Variants in METTL15 observed in about 807,000 individuals in gnomAD.
The protein encoded by METTL15 is 12S rRNA N(4)-cytidine methyltransferase METTL15.
A neutral mutation model predicts 38.3 loss-of-function variants in METTL15; 34 were observed. The observed-to-expected ratio is 0.89, with a 90% CI of 0.68 to 1.18. The LOEUF (loss-of-function observed/expected upper bound fraction) is 1.18. Among genes scored for constraint, METTL15 ranks in the 50% most tolerant of loss-of-function variants. The pLI is 0.00. For missense variants in METTL15, 438 were observed against 498.4 expected (o/e 0.88, Z 1.15); for synonymous variants, 162 against 170.9 (o/e 0.95, Z 0.41).
At chr11:28,142,383 A>G (rs1342360622) in intron 3 of METTL15, among the ~76,000 whole-genome samples, 1 of 152,194 alleles carries the variant, frequency 6.6e-6, no homozygotes, top group East Asian at 1.9e-4. Flanking sequence ...ACTTAAGTTT[A>G]CTTATTTTTG....
At chr11:28,420,994 C>A (rs1207790049) in intron 5 of METTL15, among the ~76,000 whole-genome samples, 2 of 151,206 alleles carry the variant, frequency 1.3e-5, no homozygotes, top group East Asian at 1.9e-4. Context: ...GAGAGAAGAC[C>A]CCAAAAAAGT....
intron 6 of METTL15, among the ~76,000 whole-genome samples, chr11:28,434,247 C>T (rs4543974): frequency 0.53 from 79,970 of 152,012 alleles, 21,476 homozygotes; most frequent in East Asian, 0.74. Flanking sequence ...TGAAGAAGGA[C>T]GTGTTTACTT....
chr11:28,190,123 T>C (rs1851647260), intron 3 of METTL15, among the ~76,000 whole-genome samples: 2 of 151,264 alleles, frequency 1.3e-5, no homozygotes, highest in Non-Finnish European at 3.0e-5. Context: ...TTATTAGTAA[T>C]GGTTTTAAGA....
intron 5 of METTL15, among the ~76,000 whole-genome samples, chr11:28,378,525 G>T (rs1407361038): frequency 1.3e-5 from 2 of 152,200 alleles, no homozygotes; most frequent in East Asian, 1.9e-4. Flanking sequence ...CGTGCACGGT[G>T]CGTGCACCCA....
intron 3 of METTL15, among the ~76,000 whole-genome samples, chr11:28,189,053 A>G (rs570470355): frequency 6.6e-6 from 1 of 151,258 alleles, no homozygotes; most frequent in Non-Finnish European, 1.5e-5. Flanking sequence ...CATTTTCTAG[A>G]ACACATTTGA....
At chr11:28,173,027 G>C (rs1406170035) in intron 3 of METTL15, among the ~76,000 whole-genome samples, 1 of 152,038 alleles carries the variant, frequency 6.6e-6, no homozygotes, top group Admixed American at 6.6e-5. Flanking sequence ...TTATAAAGAG[G>C]TTTGATAGTA....
chr11:28,301,939 CCTT>C (rs1015098913), intron 6 of METTL15, among the ~76,000 whole-genome samples: 1 of 151,956 alleles, frequency 6.6e-6, no homozygotes, highest in Admixed American at 6.6e-5. Context: ...GACAGGGTCT[CCTT>C]CTGTCACCCA....
At chr11:28,478,032 C>T (rs1323777649) in intron 6 of METTL15, among the ~76,000 whole-genome samples, 1 of 152,120 alleles carries the variant, frequency 6.6e-6, no homozygotes, top group Non-Finnish European at 1.5e-5. Context: ...ATTGTTTTAT[C>T]CTTTATCTAT....
intron 3 of METTL15, among the ~76,000 whole-genome samples, chr11:28,117,289 A>G (rs1408688632): frequency 8.7e-5 from 11 of 126,948 alleles, no homozygotes; most frequent in Admixed American, 4.0e-4. Context: ...ATATATATAT[A>G]TATATATATA....
intron 3 of METTL15, among the ~76,000 whole-genome samples, chr11:28,182,785 C>T (rs1851341359): frequency 6.6e-6 from 1 of 152,016 alleles, no homozygotes; most frequent in Non-Finnish European, 1.5e-5. Flanking sequence ...TTTTCCAATT[C>T]CGTGAAGAAA....
chr11:28,392,527 T>C (rs1292860134), intron 5 of METTL15, among the ~76,000 whole-genome samples: 1 of 152,082 alleles, frequency 6.6e-6, no homozygotes, highest in Non-Finnish European at 1.5e-5. Flanking sequence ...AACAGATTAA[T>C]GATTTGACGT....
At chr11:28,128,703 G>A (rs1852609292) in intron 3 of METTL15, among the ~76,000 whole-genome samples, 1 of 152,064 alleles carries the variant, frequency 6.6e-6, no homozygotes, top group Non-Finnish European at 1.5e-5. Flanking sequence ...CAGGGATATG[G>A]GATTTGCTGT....
intron 6 of METTL15, among the ~76,000 whole-genome samples, chr11:28,326,990 G>A (rs1034242662): frequency 6.6e-6 from 1 of 151,852 alleles, no homozygotes; most frequent in Non-Finnish European, 1.5e-5. Context: ...CATTTTACAC[G>A]ATCTGCTTTG....
At chr11:28,441,059 CTT>C (rs35401554) in intron 6 of METTL15, among the ~76,000 whole-genome samples, 2,115 of 141,796 alleles carry the variant, frequency 0.015, 31 homozygotes, top group African/African-American at 0.029. Flanking sequence ...TATGACACTA[CTT>C]TTTTTTTTTT....
chr11:28,167,631 A>G (rs1850702231), intron 3 of METTL15, among the ~76,000 whole-genome samples: 1 of 151,992 alleles, frequency 6.6e-6, no homozygotes, highest in South Asian at 2.1e-4. Flanking sequence ...TGGATCATCT[A>G]GTCACTGGGG....
chr11:28,195,589 C>T (rs1321333171), intron 3 of METTL15, among the ~76,000 whole-genome samples: 4 of 151,844 alleles, frequency 2.6e-5, no homozygotes, highest in Non-Finnish European at 2.9e-5. Context: ...TTTCGAGTTC[C>T]GTGTGGATTC....
At chr11:28,167,342 G>A (rs1850692111) in intron 3 of METTL15, among the ~76,000 whole-genome samples, 1 of 152,176 alleles carries the variant, frequency 6.6e-6, no homozygotes. Flanking sequence ...ATCTGAAAAT[G>A]AGCAGAAATC....
At chr11:28,321,480 T>G (rs1357480371) in intron 6 of METTL15, among the ~76,000 whole-genome samples, 1 of 152,176 alleles carries the variant, frequency 6.6e-6, no homozygotes, top group African/African-American at 2.4e-5. Context: ...AGTGCTTGCA[T>G]GTAACATAAC....
chr11:28,346,942 G>A (rs1162654321), intron 3 of METTL15, among the ~76,000 whole-genome samples: 2 of 152,306 alleles, frequency 1.3e-5, no homozygotes, highest in African/African-American at 2.4e-5. Flanking sequence ...TCCCAGATTA[G>A]ATGTCCATGT....
Sources: gnomAD v4.1 joint callset for allele counts (sites outside exome capture counted in the v4.1 genomes callset) on GRCh38, gnomAD v4.1.1 for gene constraint, MANE v1.5 for transcripts, NCBI Gene and HGNC (gene_info 2026-07-23, HGNC 2026-07-21) for gene names.